The following ADGRA2 variants were observed in gnomAD, a reference collection of about 807,000 sequenced individuals.
ADGRA2 encodes G-protein coupled receptor 124.
A neutral mutation model predicts 98.7 loss-of-function variants in ADGRA2; 61 were observed. The ratio of observed to expected loss-of-function variants is 0.62; its 90% CI spans 0.50 to 0.76. ADGRA2 has a LOEUF of 0.76. ADGRA2 is among the 30% of genes least tolerant of loss of function. ADGRA2 has a pLI of 0.00. For missense variants in ADGRA2, 1,712 were observed against 1,860.0 expected, an observed-to-expected ratio of 0.92 and a Z score of 1.46; for synonymous variants, 858 against 831.5, an observed-to-expected ratio of 1.03 and a Z score of -0.55.
chr8:37,797,367 C>G lies in ADGRA2; in HGVS notation c.99C>G (p.Gly33=). ...TGCTCCTGGCGCCCGAGGCTCGGGG[C>G]GCGCCCGGCTGCCCGCTATCCATCC... ...LLLLLAPEAR[G]APGCPLSIRS... is the part of the protein sequence containing the mutation. The change falls in exon 1 of 19, where the codon GGC becomes GGG. Residue 33 remains glycine (G), a synonymous_variant. Transcript: ENST00000412232. The surrounding 1 kb of genome is among the most constrained non-coding windows in gnomAD (Gnocchi z 5.3). 1 of 1,421,798 alleles carries G rather than the reference C, an allele frequency of 7.0e-7. No individual in the cohort carries two copies. Among genetic ancestry groups the G allele is most frequent in the Non-Finnish European group, 9.2e-7 (1 of 1,089,366 alleles). 88.1% of individuals were successfully genotyped at this position (1,421,798 alleles called of 1,614,324 possible). A position where few individuals can be genotyped will look rare whatever the true frequency, so the allele number is the denominator to read the frequency against.
chr8:37,825,437 C>T (rs1217307577), intron 2 of ADGRA2, among the ~76,000 whole-genome samples: 3 of 148,866 alleles, frequency 2.0e-5, no homozygotes, highest in South Asian at 2.1e-4. Context: ...TTAGTAGAGA[C>T]GGGGTTTCAC....
intron 13 of ADGRA2, 99 bp from the exon 14 acceptor site, chr8:37,837,632 A>AGTACACACCCTGTC: frequency 1.0e-6 from 1 of 988,436 alleles, no homozygotes; most frequent in Non-Finnish European, 1.5e-6. Flanking sequence ...GCAGGTGCCT[A>AGTACACACCCTGTC]GTACACACCC....
intron 2 of ADGRA2, among the ~76,000 whole-genome samples, chr8:37,816,593 AACACACACACACACAC>A (rs545433349): frequency 2.3e-5 from 3 of 131,294 alleles, no homozygotes; most frequent in Non-Finnish European, 3.2e-5. Context: ...CTCCGTCTCA[AACACACACACACACAC>A]ACACACACAC....
intron 1 of ADGRA2, among the ~76,000 whole-genome samples, chr8:37,805,896 A>AACAC (rs970026883): frequency 6.6e-6 from 1 of 151,746 alleles, no homozygotes; most frequent in African/African-American, 2.4e-5. Flanking sequence ...CAAACAAACA[A>AACAC]ACACTTTTTT....
chr8:37,813,096 G>A (rs1363047637), intron 1 of ADGRA2, among the ~76,000 whole-genome samples: 1 of 152,120 alleles, frequency 6.6e-6, no homozygotes, highest in Admixed American at 6.5e-5. Context: ...TGCCAGGCAT[G>A]ATGGCTCGTG....
chr8:37,838,258 T>A (rs1805677775), intron 14 of ADGRA2, among the ~76,000 whole-genome samples: 1 of 151,360 alleles, frequency 6.6e-6, no homozygotes, highest in South Asian at 2.1e-4. Context: ...AGATTTTTTT[T>A]TTTTTTTTTT....
chr8:37,799,530 G>A (rs960005828), intron 1 of ADGRA2, among the ~76,000 whole-genome samples: 1 of 152,180 alleles, frequency 6.6e-6, no homozygotes, highest in African/African-American at 2.4e-5. Flanking sequence ...AGGAAGTGGG[G>A]GAGGCGGTAG....
intron 9 of ADGRA2, among the ~76,000 whole-genome samples, 162 bp downstream of exon 9, chr8:37,833,370 C>G (rs1805514271): frequency 6.6e-6 from 1 of 152,234 alleles, no homozygotes; most frequent in Non-Finnish European, 1.5e-5. Flanking sequence ...TCCAGCCGCC[C>G]TCTGCTATTC....
Position 37,831,419 on chromosome 8 carries a change from G to T in ADGRA2, c.933-4G>T, listed in dbSNP as rs192659470. ...CACGAGCCAGCTCCACCTGCCACCC[G>T]CAGTGAGCTGACGCTGTCTCACATC... On this transcript the variant is annotated splice_polypyrimidine_tract_variant and splice_region_variant and intron_variant, in intron 7 of 18. Transcript: ENST00000412232. The T allele has an allele frequency of 3.4e-5, 54 of 1,609,312 alleles. 2 individuals are homozygous for T. In the South Asian group the frequency reaches 5.4e-4, roughly 16 times the overall value.
rs1163209714 is a variant in ADGRA2 at position 37,797,397 on chromosome 8, C to G, written c.129C>G (p.Ser43Arg). The change falls in exon 1 of 19, where the codon AGC becomes AGG. Residue 43 changes from serine (S) to arginine (R), a missense_variant. By Grantham distance (110) the Ser-to-Arg change is moderately radical. Coordinates refer to ENST00000412232, the MANE Select transcript of ADGRA2 (RefSeq NM_032777.10). This position sits in a 1 kb window ranked among gnomAD's most constrained non-coding sequence, Gnocchi z 5.3. ...GAPGCPLSIR[S>R]CKCSGERPKG... ...CCGGCTGCCCGCTATCCATCCGCAGCTGCAAGTGCTCGGGGGAGCGGCCCA... is the reference window on the plus strand; with the variant it reads ...CCGGCTGCCCGCTATCCATCCGCAGGTGCAAGTGCTCGGGGGAGCGGCCCA... 1.4e-6 allele frequency: 2 copies of G among 1,433,948 alleles called. No homozygotes were observed. The highest frequency in any genetic ancestry group is 2.9e-5 in the South Asian group (2 of 69,594). 88.8% of individuals were successfully genotyped at this position (1,433,948 alleles called of 1,614,324 possible).
chr8:37,815,075 G>A lies in ADGRA2; in HGVS notation c.338+108G>A, dbSNP rs1351907099. On this transcript the variant is annotated intron_variant, in intron 2 of 18. Coordinates refer to ENST00000412232, the MANE Select transcript of ADGRA2 (RefSeq NM_032777.10). The stretch of plus-strand genomic sequence containing the variant: ...TCGCTGAGTGACTCCAGAACCTGCC[G>A]GCCGAGCAGGGCCCGGAGTTAGACC... 23 of 800,000 alleles carry A rather than the reference G, an allele frequency of 2.9e-5. 1 individual carries two copies. The highest frequency in any genetic ancestry group is 2.6e-4 in the Admixed American group (14 of 54,404). The allele number at this position is 800,000 out of a possible 1,614,324, so 49.6% of individuals were successfully genotyped here.
At chr8:37,810,512 A>C (rs545173536) in intron 1 of ADGRA2, among the ~76,000 whole-genome samples, 1 of 151,366 alleles carries the variant, frequency 6.6e-6, no homozygotes, top group South Asian at 2.1e-4. Context: ...TCTCTCTCAA[A>C]AAAAAAGAAA....
chr8:37,829,294 C>T lies in ADGRA2; in HGVS notation c.444C>T (p.Thr148=). 1 of 1,613,770 alleles carries T rather than the reference C, an allele frequency of 6.2e-7. No individual in the cohort carries two copies. The highest frequency in any genetic ancestry group is 2.2e-5 in the East Asian group (1 of 44,850). ...CCAACAACCGGATTGGCTGTCTCAC[C>T]TCCGAGACCTTCCAGGGCCTCCCCA... ...DLSNNRIGCL[T]SETFQGLPRL... The change falls in exon 4 of 19, where the codon ACC becomes ACT. Residue 148 remains threonine, a synonymous_variant. Transcript: ENST00000412232.
At chr8:37,818,092 C>A (rs770633022) in intron 2 of ADGRA2, among the ~76,000 whole-genome samples, 1 of 152,168 alleles carries the variant, frequency 6.6e-6, no homozygotes, top group Non-Finnish European at 1.5e-5. Flanking sequence ...GCTAAGCATT[C>A]GAGAGCTCTG....
intron 2 of ADGRA2, 100 bp downstream of exon 2, chr8:37,815,067 A>T: frequency 1.1e-6 from 1 of 869,858 alleles, no homozygotes; most frequent in Non-Finnish European, 1.9e-6. Flanking sequence ...GTGACTCCAG[A>T]ACCTGCCGGC....
At chr8:37,825,894 C>A (rs1235585268) in intron 2 of ADGRA2, among the ~76,000 whole-genome samples, 1 of 152,076 alleles carries the variant, frequency 6.6e-6, no homozygotes, top group African/African-American at 2.4e-5. Flanking sequence ...TTGGTCACCC[C>A]GAGGCTCCTC....
In ADGRA2 at chr8:37,841,940, T is replaced by A; in HGVS notation, c.3602T>A (p.Leu1201His). 23 of 1,515,302 alleles carry A rather than the reference T, an allele frequency of 1.5e-5. No homozygotes were observed. The highest frequency in any genetic ancestry group is 1.9e-5 in the Non-Finnish European group (22 of 1,139,636). 93.9% of individuals were successfully genotyped at this position (1,515,302 alleles called of 1,614,324 possible). A position where few individuals can be genotyped will look rare whatever the true frequency, so the allele number is the denominator to read the frequency against. The change falls in exon 19 of 19, where the codon CTC becomes CAC. Residue 1201 changes from leucine (L) to histidine (H), a missense_variant. Transcript: ENST00000412232. This position sits in a 1 kb window ranked among gnomAD's most constrained non-coding sequence, Gnocchi z 5.0. Reference sequence around the variant, plus strand: ...GGGGAGGCCTGCGGCAAGAACCGGCTCAAGGCCCTGCGCGGGGGCGCGGCG... The same window carrying A: ...GGGGAGGCCTGCGGCAAGAACCGGCACAAGGCCCTGCGCGGGGGCGCGGCG... ...RAGEACGKNR[L>H]KALRGGAAGA...
chr8:37,829,857 G>A lies in ADGRA2; in HGVS notation c.561G>A (p.Leu187=). Residue 187 remains leucine (L), a synonymous_variant, in exon 6 of 19, where the codon TTG becomes TTA. Coordinates refer to ENST00000412232, the MANE Select transcript of ADGRA2 (RefSeq NM_032777.10). The part of the protein sequence containing the change: ...DELPALKVVD[L]GTEFLTCDCH... ...CCCTCTGCCCACCCTGCAGGGACTT[G>A]GGCACCGAGTTCCTGACCTGTGACT... The A allele has an allele frequency of 6.2e-7, 1 of 1,610,966 alleles. No homozygotes were observed. Among genetic ancestry groups the A allele is most frequent in the East Asian group, 2.2e-5 (1 of 44,860 alleles).
chr8:37,799,062 G>C (rs890436594), intron 1 of ADGRA2, among the ~76,000 whole-genome samples: 1 of 152,196 alleles, frequency 6.6e-6, no homozygotes, highest in Non-Finnish European at 1.5e-5. Flanking sequence ...TAGCGTCTGC[G>C]TGAGTCCCAG....
Sources: allele counts gnomAD v4.1 joint callset (sites outside exome capture counted in the v4.1 genomes callset), GRCh38; gene constraint gnomAD v4.1.1; non-coding constraint Gnocchi (gnomAD v3.1); transcripts MANE v1.5; gene names NCBI Gene and HGNC (gene_info 2026-07-23, HGNC 2026-07-21).